FAM83F: variants seen among roughly 807,000 people sequenced by gnomAD.
FAM83F encodes the protein scaffolding CK1 anchoring protein F.
Under a neutral mutation model 42.9 loss-of-function variants are expected in FAM83F, and 45 were observed. The observed-to-expected ratio is 1.05, with a 90% confidence interval of 0.83 to 1.35. The LOEUF is 1.35. Ranked by LOEUF, FAM83F falls within the 40% of genes most tolerant of loss-of-function variation. The probability of loss-of-function intolerance (pLI) is 0.00; values close to 1 mark genes in which losing one functional copy is unlikely to be tolerated. For missense variants in FAM83F, 617 were observed against 695.9 expected (o/e 0.89, Z 1.28); for synonymous variants, 306 against 298.3 (o/e 1.03, Z -0.27).
At chr22:39,996,150 G>A (rs558646850) in intron 1 of FAM83F, among the ~76,000 whole-genome samples, 219 of 152,286 alleles carry the variant, frequency 1.4e-3, no homozygotes, top group African/African-American at 4.8e-3. Context: ...TGTGCTGGGC[G>A]CCTTGGCACA....
At chr22:40,017,646 G>A (rs2067499401) in intron 1 of FAM83F, among the ~76,000 whole-genome samples, 1 of 152,210 alleles carries the variant, frequency 6.6e-6, no homozygotes, top group African/African-American at 2.4e-5. Context: ...GCTGTGGCAT[G>A]GGGATACCAG....
chr22:40,002,921 G>A (rs1177408316), intron 1 of FAM83F, among the ~76,000 whole-genome samples: 1 of 152,104 alleles, frequency 6.6e-6, no homozygotes, highest in Admixed American at 6.5e-5. Context: ...TTTCCCTGAG[G>A]CTCCGGGAAA....
At chr22:40,019,135 C>T in intron 1 of FAM83F, 33 bp from the exon 2 acceptor site, 1 of 1,610,306 alleles carries the variant, frequency 6.2e-7, no homozygotes, top group Non-Finnish European at 8.5e-7. Context: ...CGTGTAGACA[C>T]CGTGTGCCTC....
At chr22:40,005,982 G>A (rs1444937302) in intron 1 of FAM83F, among the ~76,000 whole-genome samples, 1 of 152,376 alleles carries the variant, frequency 6.6e-6, no homozygotes, top group African/African-American at 2.4e-5. Flanking sequence ...GCTCACGCCT[G>A]TAATGCCAGC....
intron 4 of FAM83F, among the ~76,000 whole-genome samples, chr22:40,026,703 T>C (rs1224123532): frequency 6.6e-6 from 1 of 152,070 alleles, no homozygotes; most frequent in Non-Finnish European, 1.5e-5. Flanking sequence ...GCTTCCCAGT[T>C]TCTCTGAGGT....
At chr22:40,010,200 T>C (rs1226712643) in intron 1 of FAM83F, 1 of 152,224 alleles carries the variant, frequency 6.6e-6, no homozygotes, top group Non-Finnish European at 1.5e-5. Flanking sequence ...CTTCCCTGGG[T>C]TCTGAGCCCA....
intron 1 of FAM83F, among the ~76,000 whole-genome samples, chr22:40,006,904 C>T (rs2067432408): frequency 6.6e-6 from 1 of 152,146 alleles, no homozygotes; most frequent in Non-Finnish European, 1.5e-5. Context: ...TGTGTCAGGC[C>T]CTGTCCCAGA....
chr22:40,021,601 G>C lies in FAM83F; in HGVS notation c.1091G>C (p.Gly364Ala). The change falls in exon 4 of 5, where the codon GGT (glycine) becomes GCT (alanine). Residue 364 changes from glycine (G) to alanine (A), a missense_variant. Gly to Ala is a moderately conservative substitution (Grantham distance 60). Coordinates refer to ENST00000333407, the MANE Select transcript of FAM83F (RefSeq NM_138435.4). This position sits in a 1 kb window ranked among gnomAD's most constrained non-coding sequence, Gnocchi z 8.7. ...NPEGQEEGAS[G>A]GESAWRLESF... ...GAGGGGCAGGAGGAGGGCGCCAGCG[G>C]TGGCGAGTCGGCCTGGCGCCTGGAG... 6.3e-7 allele frequency: 1 copy of C among 1,580,474 alleles called. No homozygotes were observed. The highest frequency in any genetic ancestry group is 8.6e-7 in the Non-Finnish European group (1 of 1,158,312).
chr22:40,028,250 G>A (rs1288741763), intron 4 of FAM83F, among the ~76,000 whole-genome samples: 1 of 152,240 alleles, frequency 6.6e-6, no homozygotes, highest in Non-Finnish European at 1.5e-5. Flanking sequence ...GGATGGATGA[G>A]GCCCGAGGCC....
In FAM83F at chr22:40,040,261, G is replaced by A; in HGVS notation, c.*10696G>A. 6.6e-6 allele frequency: 1 copy of A among 152,210 alleles called. No homozygotes were observed. Among genetic ancestry groups the A allele is most frequent in the Non-Finnish European group, 1.5e-5 (1 of 68,042 alleles). 9.4% of individuals were successfully genotyped at this position (152,210 alleles called of 1,614,324 possible). ...CATCCCAGAGGCAATATAGCAGCGT[G>A]GACAAGAGCTTACTCGTTGGAGTCA... On this transcript the variant is annotated 3_prime_UTR_variant, in exon 5 of 5. Transcript: ENST00000333407.
At chr22:40,024,994 C>T (rs566916084) in intron 4 of FAM83F, among the ~76,000 whole-genome samples, 7 of 152,282 alleles carry the variant, frequency 4.6e-5, no homozygotes, top group Admixed American at 3.3e-4. Context: ...GCCTCTTCTA[C>T]GTCTTCCCTC....
intron 4 of FAM83F, among the ~76,000 whole-genome samples, chr22:40,025,463 T>TA (rs2034422384): frequency 1.3e-5 from 2 of 152,044 alleles, no homozygotes; most frequent in Middle Eastern, 3.4e-3. Flanking sequence ...ATGCAACAAA[T>TA]ACGCTTGGAG....
rs749980019 is a variant in FAM83F at position 40,019,994 on chromosome 22, C to A, written c.765C>A (p.Ala255=). The change falls in exon 3 of 5, where the codon GCC becomes GCA. Residue 255 remains alanine, a synonymous_variant. Transcript: ENST00000333407. The part of the protein sequence containing the change: ...RFLMVDGDKV[A]TGSYRFTWSS... ...TGATGGTGGACGGTGACAAAGTGGC[C>A]ACTGGATCTTACAGGTGAGTTGGGC... The A allele has an allele frequency of 6.2e-7, 1 of 1,613,082 alleles. No individual in the cohort carries two copies. The highest frequency in any genetic ancestry group is 8.5e-7 in the Non-Finnish European group (1 of 1,179,494).
At chr22:40,005,164 C>T (rs1172964875) in intron 1 of FAM83F, among the ~76,000 whole-genome samples, 1 of 152,230 alleles carries the variant, frequency 6.6e-6, no homozygotes, top group African/African-American at 2.4e-5. Flanking sequence ...CTGCCAACTC[C>T]ATTTGTCTTA....
intron 2 of FAM83F, 63 bp downstream of exon 2, chr22:40,019,398 T>A: frequency 6.7e-7 from 1 of 1,485,834 alleles, no homozygotes; most frequent in Non-Finnish European, 9.3e-7. Context: ...CTCTGCCCCG[T>A]CCTGCAGCTC....
chr22:40,017,496 G>GT (rs1339207162), intron 1 of FAM83F, among the ~76,000 whole-genome samples: 2 of 152,164 alleles, frequency 1.3e-5, no homozygotes, highest in Admixed American at 1.3e-4. Context: ...GCCTCCCAAA[G>GT]TGCTGGGATT....
chr22:40,028,542 C>T (rs1355615143), intron 4 of FAM83F, among the ~76,000 whole-genome samples: 1 of 152,108 alleles, frequency 6.6e-6, no homozygotes. Context: ...CGCCTGACAC[C>T]TCGCAGGCCT....
chr22:40,041,906 C>T lies in FAM83F; in HGVS notation c.*12341C>T, dbSNP rs986542520. ...TTGAGACAGGGTCTTGCTCTATTGC[C>T]CAGGCTGGAGTGCAGTGGTGTGGCT... On this transcript the variant is annotated 3_prime_UTR_variant, in exon 5 of 5. Transcript: ENST00000333407. The T allele has an allele frequency of 1.3e-5, 2 of 151,730 alleles. No individual in the cohort carries two copies. The highest frequency in any genetic ancestry group is 2.9e-5 in the Non-Finnish European group (2 of 68,002). The allele number at this position is 151,730 out of a possible 1,614,324, so 9.4% of individuals were successfully genotyped here.
intron 3 of FAM83F, among the ~76,000 whole-genome samples, chr22:40,020,747 G>A (rs1256122609): frequency 6.6e-6 from 1 of 152,112 alleles, no homozygotes; most frequent in Non-Finnish European, 1.5e-5. Flanking sequence ...TATAGGTGAC[G>A]AGAAGAGAGA....
Sources: gnomAD v4.1 joint callset for allele counts (sites outside exome capture counted in the v4.1 genomes callset) on GRCh38, gnomAD v4.1.1 for gene constraint, Gnocchi (gnomAD v3.1) non-coding constraint, MANE v1.5 for transcripts, NCBI Gene and HGNC (gene_info 2026-07-23, HGNC 2026-07-21) for gene names.